BPTF: variants seen among roughly 807,000 people sequenced by gnomAD.
BPTF encodes nucleosome-remodeling factor subunit BPTF.
BPTF carries 18 observed loss-of-function variants against 292.5 expected under a neutral mutation model. The observed-to-expected ratio is 0.06, with a 90% CI of 0.04 to 0.09. BPTF has a LOEUF of 0.09. Among genes scored for constraint, BPTF ranks in the 10% least tolerant of loss-of-function variants. The pLI is 1.00. For synonymous variants in BPTF, 1,225 were observed against 1,251.9 expected, an observed-to-expected ratio of 0.98 and a Z score of 0.45; for missense variants, 2,726 against 3,498.7, an observed-to-expected ratio of 0.78 and a Z score of 5.57.
In BPTF at chr17:67,857,628, G is replaced by A. The variant is rs554600280; in HGVS notation, c.1436+2866G>A. Among the ~76,000 whole-genome samples the A allele has an allele frequency of 1.4e-4, 21 of 151,312 alleles. No individual in the cohort carries two copies. In the East Asian group the frequency reaches 2.7e-3, roughly 20 times the overall value. ...ACTACAGGTGTGTGCTACCATGCCC[G>A]GCTAATTTTTGCATTTTTTGTAGAG... is the stretch of plus-strand genomic sequence containing the variant. On this transcript the variant is annotated intron_variant, in intron 2 of 27. Transcript: ENST00000306378.
At chr17:67,973,289 G>A (rs928426213) in intron 26 of BPTF, among the ~76,000 whole-genome samples, 14 of 150,232 alleles carry the variant, frequency 9.3e-5, no homozygotes, top group African/African-American at 3.4e-4. Context: ...CAGGAGAATG[G>A]CCTGAACCCG....
chr17:67,939,404 T>A (rs2065182567), intron 18 of BPTF, among the ~76,000 whole-genome samples: 1 of 152,262 alleles, frequency 6.6e-6, no homozygotes, highest in South Asian at 2.1e-4. Flanking sequence ...GTAATGAGTC[T>A]GTAAGTGTCA....
Position 67,940,641 on chromosome 17 carries a change from G to T in BPTF, c.6462G>T (p.Gln2154His). ...QVKLTMAQLT[Q>H]LTQGHGGNQG... ...AGCTCACCATGGCTCAACTTACTCAGTTAACACAGGGCCACGTAAGTAACA... is the reference window on the plus strand; with the variant it reads ...AGCTCACCATGGCTCAACTTACTCATTTAACACAGGGCCACGTAAGTAACA... Residue 2154 changes from glutamine (Q) to histidine (H), a missense_variant, in exon 19 of 28, where the codon CAG (glutamine) becomes CAT (histidine). Physicochemically the swap from Gln to His is conservative, Grantham distance 24. Around this residue, in one of 22 missense-constraint regions of BPTF, gnomAD observed 570 missense variants for 633.5 expected, o/e 0.90. Transcript: ENST00000306378. 6.2e-7 allele frequency: 1 copy of T among 1,613,914 alleles called. No individual in the cohort carries two copies. Among genetic ancestry groups the T allele is most frequent in the South Asian group, 1.1e-5 (1 of 91,082 alleles).
At chr17:67,937,768 G>A (rs1256743178) in intron 18 of BPTF, among the ~76,000 whole-genome samples, 1 of 152,136 alleles carries the variant, frequency 6.6e-6, no homozygotes, top group East Asian at 1.9e-4. Context: ...CTTCAGGTGT[G>A]CACAGATCAC....
In BPTF at chr17:67,854,848, G is replaced by T. The variant is rs2058597336; in HGVS notation, c.1436+86G>T. 6 of 926,024 alleles carry T rather than the reference G, an allele frequency of 6.5e-6. No individual in the cohort carries two copies. The highest frequency in any genetic ancestry group is 2.4e-5 in the Admixed American group (1 of 41,066). The allele number at this position is 926,024 out of a possible 1,614,324, so 57.4% of individuals were successfully genotyped here. ...ATTGATGTAGCAGAGCTATGCTGTT[G>T]ATGTGGTATAAACCTTTGTAACTTA... is the stretch of plus-strand genomic sequence containing the variant. On this transcript the variant is annotated intron_variant, in intron 2 of 27. Coordinates refer to ENST00000306378, the MANE Select transcript of BPTF (RefSeq NM_182641.4). This position sits in a 1 kb window ranked among gnomAD's most constrained non-coding sequence, Gnocchi z 5.6.
In BPTF at chr17:67,911,735, A is replaced by G; in HGVS notation, c.3851A>G (p.Glu1284Gly). ...GAAGGAAAACTGGGATGTGACTCTG[A>G]ATCTAATAGCACTTTGGAAAATAGT... Reference protein sequence around the residue: ...DFEGKLGCDSESNSTLENSSD... With the variant: ...DFEGKLGCDSGSNSTLENSSD... Residue 1284 changes from glutamate (E) to glycine (G), a missense_variant, in exon 11 of 28, where the codon GAA (glutamate) becomes GGA (glycine). Glu to Gly is a moderately conservative substitution (Grantham distance 98). Transcript: ENST00000306378. The G allele has an allele frequency of 6.2e-7, 1 of 1,614,208 alleles. No homozygotes were observed. Among genetic ancestry groups the G allele is most frequent in the Middle Eastern group, 1.6e-4 (1 of 6,062 alleles).
Position 67,874,924 on chromosome 17 carries a change from G to A in BPTF, c.1768G>A (p.Ala590Thr). The A allele has an allele frequency of 6.2e-7, 1 of 1,613,818 alleles. No individual in the cohort carries two copies. The highest frequency in any genetic ancestry group is 8.5e-7 in the Non-Finnish European group (1 of 1,179,842). Residue 590 changes from alanine to threonine, a missense_variant, in exon 4 of 28, where the codon GCT (alanine) becomes ACT (threonine). By Grantham distance (58) the Ala-to-Thr change is moderately conservative (BLOSUM62 0). This residue lies in a region of BPTF where 187 missense variants were observed against 201.5 expected (regional missense o/e 0.93). Coordinates refer to ENST00000306378, the MANE Select transcript of BPTF (RefSeq NM_182641.4). ...TGAGACTGAGAATGACTCTAAAGAT[G>A]CTGAGAAAAACAGAGAAGAATTTGA... ...KNETENDSKDAEKNREEFEDQ... is the reference protein window; with the variant it reads ...KNETENDSKDTEKNREEFEDQ...
rs1216502806 is a variant in BPTF at position 67,966,423 on chromosome 17, T to TTTA, written c.8455-148_8455-147insTAT. The TTTA allele has an allele frequency of 1.5e-5, 8 of 535,528 alleles. No individual in the cohort carries two copies. In the South Asian group the frequency reaches 1.7e-4, roughly 11 times the overall value. The allele number at this position is 535,528 out of a possible 1,614,324, so 33.2% of individuals were successfully genotyped here. On this transcript the variant is annotated intron_variant, in intron 25 of 27. Coordinates refer to ENST00000306378, the MANE Select transcript of BPTF (RefSeq NM_182641.4). ...AGAGGAAGCTCATCTTAGGTAACTA[T>TTTA]TACTAGAGCAGAAATCACTTAATAT...
At position 67,928,244 on chromosome 17, in the gene BPTF, T is replaced by C; in HGVS notation, c.5752-111T>C. ...TTTTGGAAGTAAAATACTTCAGAAA[T>C]GTAGTGGAATTTCTTAAGGTGAGAG... is the stretch of plus-strand genomic sequence containing the variant. On this transcript the variant is annotated intron_variant, in intron 15 of 27. Transcript: ENST00000306378. 6 of 1,153,780 alleles carry C rather than the reference T, an allele frequency of 5.2e-6. No homozygotes were observed. The South Asian group carries it at 8.2e-5, about 16-fold the overall frequency. The allele number at this position is 1,153,780 out of a possible 1,614,324, so 71.5% of individuals were successfully genotyped here. A position where few individuals can be genotyped will look rare whatever the true frequency, so the allele number is the denominator to read the frequency against.
chr17:67,840,893 T>A (rs1480415986), intron 1 of BPTF, among the ~76,000 whole-genome samples: 4 of 152,150 alleles, frequency 2.6e-5, no homozygotes, highest in Non-Finnish European at 5.9e-5. Flanking sequence ...TAAGAGTTCT[T>A]TATATATTTT....
At chr17:67,935,307 G>A (rs1330170265) in intron 18 of BPTF, among the ~76,000 whole-genome samples, 2 of 151,980 alleles carry the variant, frequency 1.3e-5, no homozygotes, top group Non-Finnish European at 2.9e-5. Context: ...CATGCCTGTG[G>A]TTTCAGCCAC....
chr17:67,837,229 A>G (rs1369001827), intron 1 of BPTF, among the ~76,000 whole-genome samples: 2 of 152,184 alleles, frequency 1.3e-5, no homozygotes, highest in African/African-American at 4.8e-5. Context: ...GCGTTTACAG[A>G]CAGTGCTGTC....
intron 4 of BPTF, among the ~76,000 whole-genome samples, chr17:67,889,433 T>G (rs1157651488): frequency 3.3e-5 from 5 of 152,200 alleles, no homozygotes; most frequent in African/African-American, 1.2e-4. Flanking sequence ...GACCAAATGA[T>G]GTCTAAAAAG....
intron 22 of BPTF, 35 bp from the exon 23 acceptor site, chr17:67,948,046 G>A (rs782067842): frequency 3.2e-5 from 50 of 1,576,492 alleles, no homozygotes; most frequent in Non-Finnish European, 4.4e-6. Flanking sequence ...AAAATGAAAC[G>A]CCCAGCATTA....
rs2057212492 is a variant in BPTF, at chr17:67,837,370, A to G, written c.613+11033A>G. Among the ~76,000 whole-genome samples the G allele has an allele frequency of 2.0e-5, 3 of 151,594 alleles. No individual in the cohort carries two copies. In the South Asian group the frequency reaches 6.3e-4, roughly 32 times the overall value. The stretch of plus-strand genomic sequence containing the variant: ...AAGTCTGGACCAGATTATACTCTCA[A>G]CATCTGTTTTTAAACCTTCCCTAGT... On this transcript the variant is annotated intron_variant, in intron 1 of 27. Transcript: ENST00000306378.
intron 15 of BPTF, among the ~76,000 whole-genome samples, chr17:67,925,509 A>G (rs2063794620): frequency 3.3e-5 from 5 of 152,288 alleles, no homozygotes; most frequent in Admixed American, 2.0e-4. Context: ...AATAAAAGAA[A>G]AAAGCAAAAT....
chr17:67,848,645 TA>T (rs1598219380), intron 1 of BPTF, among the ~76,000 whole-genome samples: 1 of 152,218 alleles, frequency 6.6e-6, no homozygotes, highest in African/African-American at 2.4e-5. Context: ...AGTGCGTATT[TA>T]AAAACCAAGG....
Position 67,913,031 on chromosome 17 carries a change from G to C in BPTF, c.5147G>C (p.Ser1716Thr). 6.2e-7 allele frequency: 1 copy of C among 1,614,180 alleles called. No homozygotes were observed. Among genetic ancestry groups the C allele is most frequent in the East Asian group, 2.2e-5 (1 of 44,892 alleles). Residue 1716 changes from serine (S) to threonine (T), a missense_variant, in exon 11 of 28, where the codon AGC becomes ACC. By Grantham distance (58) the Ser-to-Thr change is moderately conservative. Coordinates refer to ENST00000306378, the MANE Select transcript of BPTF (RefSeq NM_182641.4). ...TATAGAAAATTTGTTACCAAGAGCA[G>C]CAAGAAGAGCATTTTTGTTTTGCCT... Reference protein sequence around the residue: ...PSYRKFVTKSSKKSIFVLPND... With the variant: ...PSYRKFVTKSTKKSIFVLPND...
At chr17:67,966,186 C>T (rs1229969927) in intron 25 of BPTF, 1 of 173,650 alleles carries the variant, frequency 5.8e-6, no homozygotes, top group Non-Finnish European at 1.2e-5. Flanking sequence ...TGTTATCTAA[C>T]ATCACGTCTC....
Sources: allele counts gnomAD v4.1 joint callset (sites outside exome capture counted in the v4.1 genomes callset), GRCh38; gene constraint gnomAD v4.1.1; regional missense constraint gnomAD v4.1.1; non-coding constraint Gnocchi (gnomAD v3.1); transcripts MANE v1.5; gene names NCBI Gene and HGNC (gene_info 2026-07-23, HGNC 2026-07-21).